RFX2: variants seen among roughly 807,000 people sequenced by gnomAD.
The protein encoded by RFX2 is regulatory factor X2, also known as DNA-binding protein RFX2.
Under a neutral mutation model 87.8 loss-of-function variants are expected in RFX2, and 20 were observed. The observed-to-expected ratio is 0.23, with a 90% CI of 0.16 to 0.33. The LOEUF (loss-of-function observed/expected upper bound fraction) is 0.33, where lower values mean the gene tolerates loss of function less well. Among genes scored for constraint, RFX2 ranks in the 10% least tolerant of loss-of-function variants. The pLI, the probability that RFX2 is intolerant of heterozygous loss-of-function variation, is 1.00. For missense variants in RFX2, 767 were observed against 1,012.3 expected (o/e 0.76, Z 3.29); for synonymous variants, 397 against 431.3 (o/e 0.92, Z 0.98).
At position 5,998,524 on chromosome 19, in the gene RFX2, C is replaced by T. The variant is rs116719220; in HGVS notation, c.1860-1311G>A. ...CAGGCTTGAGAAAGGCAAAGACAGC[C>T]GCACTATGAAGACCACCAAAGCTGT... On this transcript the variant is annotated intron_variant, in intron 15 of 17. Coordinates refer to ENST00000303657, the MANE Select transcript of RFX2 (RefSeq NM_000635.4). This position sits in a 1 kb window ranked among gnomAD's most constrained non-coding sequence, Gnocchi z 4.2. Among the ~76,000 whole-genome samples, 393 of 152,300 alleles carry T rather than the reference C, an allele frequency of 2.6e-3. No individual in the cohort carries two copies. Among genetic ancestry groups the T allele is most frequent in the African/African-American group, 8.7e-3 (363 of 41,562 alleles).
chr19:6,100,029 A>G (rs892983275), intron 1 of RFX2, among the ~76,000 whole-genome samples: 1 of 152,240 alleles, frequency 6.6e-6, no homozygotes, highest in African/African-American at 2.4e-5. Flanking sequence ...GCCAGGGTAG[A>G]GACTCAGCTC....
chr19:6,100,216 T>A (rs182976188), intron 1 of RFX2, among the ~76,000 whole-genome samples: 1 of 152,120 alleles, frequency 6.6e-6, no homozygotes, highest in East Asian at 1.9e-4. Context: ...TTTGGAGTAG[T>A]GAAAGGGAGG....
intron 1 of RFX2, among the ~76,000 whole-genome samples, chr19:6,102,586 T>C (rs924065857): frequency 5.3e-5 from 8 of 152,244 alleles, no homozygotes; most frequent in African/African-American, 1.9e-4. Flanking sequence ...CCCCTGCCTC[T>C]TCTGCCTCTC....
At chr19:6,107,017 C>A (rs10416027) in intron 1 of RFX2, among the ~76,000 whole-genome samples, 33,402 of 151,552 alleles carry the variant, frequency 0.22, 6,746 homozygotes, top group African/African-American at 0.54. Context: ...AGGTGCCGGC[C>A]GGGCGCGGTG....
In RFX2 at chr19:6,056,513, G is replaced by A. The variant is rs1247089497; in HGVS notation, c.-8-9009C>T. ...ACTCCTCCACCTGGCAGAGGAGAGC[G>A]CAGCAGAGAGTGGGCAGAGGGCAGG... On this transcript the variant is annotated intron_variant, in intron 1 of 17. Coordinates refer to ENST00000303657, the MANE Select transcript of RFX2 (RefSeq NM_000635.4). This position sits in a 1 kb window ranked among gnomAD's most constrained non-coding sequence, Gnocchi z 4.6. 6.6e-6 allele frequency among the ~76,000 whole-genome samples: 1 copy of A among 152,176 alleles called. No homozygotes were observed. Among genetic ancestry groups the A allele is most frequent in the African/African-American group, 2.4e-5 (1 of 41,456 alleles).
chr19:6,096,764 T>C (rs1166967616), intron 1 of RFX2, among the ~76,000 whole-genome samples: 1 of 152,212 alleles, frequency 6.6e-6, no homozygotes. Context: ...TATAATTTAA[T>C]CATGTTGCAT....
At chr19:6,008,033 G>A (rs1327750895) in intron 10 of RFX2, 73 bp downstream of exon 10, 4 of 1,142,910 alleles carry the variant, frequency 3.5e-6, no homozygotes, top group East Asian at 2.6e-5. Context: ...GTCACCCGGG[G>A]ACGCCTGGCC....
intron 1 of RFX2, among the ~76,000 whole-genome samples, chr19:6,051,874 A>C (rs1391049766): frequency 1.3e-5 from 2 of 151,938 alleles, no homozygotes; most frequent in Non-Finnish European, 2.9e-5. Flanking sequence ...CTGATCTTTT[A>C]TTTTTATTTA....
Position 6,026,128 on chromosome 19 carries a change from G to A in RFX2, c.597+35C>T, listed in dbSNP as rs1178990346. ...AATGTCTATGCAGGTTACAAGCAGAGCAGGGACAGGTTGCCAGGTCAGACG... is the reference window on the plus strand; with the variant it reads ...AATGTCTATGCAGGTTACAAGCAGAACAGGGACAGGTTGCCAGGTCAGACG... On this transcript the variant is annotated intron_variant, in intron 6 of 17. Transcript: ENST00000303657. This position sits in a 1 kb window ranked among gnomAD's most constrained non-coding sequence, Gnocchi z 4.5. 1.3e-6 allele frequency: 2 copies of A among 1,561,670 alleles called. No homozygotes were observed. The highest frequency in any genetic ancestry group is 3.4e-5 in the Admixed American group (2 of 59,252).
At position 6,002,618 on chromosome 19, in the gene RFX2, C is replaced by T. The variant is rs541335422; in HGVS notation, c.1650+103G>A. On this transcript the variant is annotated intron_variant, in intron 14 of 17. Coordinates refer to ENST00000303657, the MANE Select transcript of RFX2 (RefSeq NM_000635.4). The surrounding 1 kb of genome is among the most constrained non-coding windows in gnomAD (Gnocchi z 6.7). ...CATGCAACAGAACCGTGGCCAGGCTCGGGGCAGGGGCCAGGTTGTGCCACG... is the reference window on the plus strand; with the variant it reads ...CATGCAACAGAACCGTGGCCAGGCTTGGGGCAGGGGCCAGGTTGTGCCACG... The T allele has an allele frequency of 4.1e-5, 59 of 1,434,064 alleles. No individual in the cohort carries two copies. The highest frequency in any genetic ancestry group is 1.0e-4 in the South Asian group (8 of 79,438). 88.8% of individuals were successfully genotyped at this position (1,434,064 alleles called of 1,614,324 possible). A position where few individuals can be genotyped will look rare whatever the true frequency, so the allele number is the denominator to read the frequency against.
intron 9 of RFX2, among the ~76,000 whole-genome samples, 185 bp downstream of exon 9, chr19:6,009,951 A>T (rs1389202552): frequency 2.6e-5 from 4 of 152,356 alleles, no homozygotes; most frequent in Non-Finnish European, 4.4e-5. Context: ...TGTGCTGATT[A>T]TTCTAAAGTC....
intron 15 of RFX2, among the ~76,000 whole-genome samples, chr19:6,000,512 G>A (rs1161300162): frequency 6.6e-6 from 1 of 152,224 alleles, no homozygotes; most frequent in African/African-American, 2.4e-5. Flanking sequence ...CATGTGTTGT[G>A]GGAGGGACCT....
At chr19:6,053,342 G>C (rs879541768) in intron 1 of RFX2, among the ~76,000 whole-genome samples, 1 of 152,380 alleles carries the variant, frequency 6.6e-6, no homozygotes, top group South Asian at 2.1e-4. Context: ...GTATCAGAGA[G>C]AGGGATGAGT....
intron 5 of RFX2, among the ~76,000 whole-genome samples, chr19:6,031,090 T>G (rs1308524407): frequency 2.6e-5 from 4 of 152,340 alleles, no homozygotes; most frequent in Admixed American, 2.6e-4. Flanking sequence ...CACAAAAACC[T>G]GCCAGCTGTT....
chr19:6,045,682 G>GT lies in RFX2; in HGVS notation c.91-1401dup, dbSNP rs766942213. ...TGTTTTTTTGTTTTTGTTTTTTTGT[G>GT]TTTTTTGGGACGGATTTTTGCTCTT... On this transcript the variant is annotated intron_variant, in intron 2 of 17. Transcript: ENST00000303657. This position sits in a 1 kb window ranked among gnomAD's most constrained non-coding sequence, Gnocchi z 5.2. 1.7e-4 allele frequency among the ~76,000 whole-genome samples: 25 copies of GT among 151,222 alleles called. No homozygotes were observed. Among genetic ancestry groups the GT allele is most frequent in the Non-Finnish European group, 3.2e-4 (22 of 67,974 alleles).
intron 5 of RFX2, among the ~76,000 whole-genome samples, chr19:6,036,036 A>T (rs1036453725): frequency 6.6e-6 from 1 of 152,206 alleles, no homozygotes; most frequent in Admixed American, 6.5e-5. Flanking sequence ...ATCCACAGAG[A>T]ACATGATTGT....
At position 6,027,762 on chromosome 19, in the gene RFX2, T is replaced by G. The variant is rs1038771360; in HGVS notation, c.523-1525A>C. On this transcript the variant is annotated intron_variant, in intron 5 of 17. Coordinates refer to ENST00000303657, the MANE Select transcript of RFX2 (RefSeq NM_000635.4). This position sits in a 1 kb window ranked among gnomAD's most constrained non-coding sequence, Gnocchi z 5.0. ...ACCCACCCCTGAAAAAGAGCTTTATTTACTTATCTTTTTCTTGAGCCAGAG... is the reference window on the plus strand; with the variant it reads ...ACCCACCCCTGAAAAAGAGCTTTATGTACTTATCTTTTTCTTGAGCCAGAG... 2.0e-5 allele frequency among the ~76,000 whole-genome samples: 3 copies of G among 152,182 alleles called. No homozygotes were observed. Among genetic ancestry groups the G allele is most frequent in the African/African-American group, 7.2e-5 (3 of 41,436 alleles).
At chr19:6,019,491 T>A (rs2086776370) in intron 6 of RFX2, among the ~76,000 whole-genome samples, 1 of 150,200 alleles carries the variant, frequency 6.7e-6, no homozygotes, top group Admixed American at 6.7e-5. Flanking sequence ...ACAACCTTGA[T>A]GTTGAAGTTA....
chr19:6,099,073 G>T (rs900952103), intron 1 of RFX2, among the ~76,000 whole-genome samples: 17 of 149,914 alleles, frequency 1.1e-4, no homozygotes, highest in African/African-American at 4.2e-4. Context: ...TTCAACAAAT[G>T]CTGAGTGCCA....
Sources: allele counts gnomAD v4.1 joint callset (sites outside exome capture counted in the v4.1 genomes callset), GRCh38; gene constraint gnomAD v4.1.1; non-coding constraint Gnocchi (gnomAD v3.1); transcripts MANE v1.5; gene names NCBI Gene and HGNC (gene_info 2026-07-23, HGNC 2026-07-21).